The following PBX3 variants were observed in gnomAD, a reference collection of about 807,000 sequenced individuals.
PBX3 encodes PBX homeobox 3, also known as pre-B-cell leukemia transcription factor 3.
PBX3 carries 14 observed loss-of-function variants against 48.5 expected under a neutral mutation model. The observed-to-expected ratio is 0.29, with a 90% CI of 0.19 to 0.45. PBX3 has a LOEUF of 0.45. Among genes scored for constraint, PBX3 ranks in the 20% least tolerant of loss-of-function variants. PBX3 has a pLI of 1.00. For missense variants in PBX3, 386 were observed against 546.7 expected (o/e 0.71, Z 2.93); for synonymous variants, 210 against 200.3 (o/e 1.05, Z -0.41).
chr9:125,766,578 T>G (rs1836805636), intron 2 of PBX3, among the ~76,000 whole-genome samples: 1 of 151,996 alleles, frequency 6.6e-6, no homozygotes, highest in Non-Finnish European at 1.5e-5. Flanking sequence ...CTCTATAGAG[T>G]TGGGAAGGAC....
At position 125,936,747 on chromosome 9, in the gene PBX3, T is replaced by C. The variant is rs114394277; in HGVS notation, c.843+1140T>C. On this transcript the variant is annotated intron_variant, in intron 5 of 8. Coordinates refer to ENST00000373489, the MANE Select transcript of PBX3 (RefSeq NM_006195.6). ...ATTCAAGGTTTATTGTCATTTCTCT[T>C]ATGAAATGGTATATCTTGATTTCTT... 8.7e-3 allele frequency among the ~76,000 whole-genome samples: 1,333 copies of C among 152,362 alleles called. 20 individuals are homozygous for C. Among genetic ancestry groups the C allele is most frequent in the African/African-American group, 0.031 (1,284 of 41,582 alleles).
chr9:125,821,188 CA>C (rs1407021780), intron 2 of PBX3, among the ~76,000 whole-genome samples: 3 of 151,918 alleles, frequency 2.0e-5, no homozygotes, highest in Non-Finnish European at 4.4e-5. Flanking sequence ...TTTATAGTAC[CA>C]GTATATATTA....
intron 2 of PBX3, among the ~76,000 whole-genome samples, chr9:125,790,040 A>G (rs545882869): frequency 2.0e-5 from 3 of 152,330 alleles, no homozygotes; most frequent in Non-Finnish European, 2.9e-5. Flanking sequence ...TGCTCATCAA[A>G]TGGACAAGTT....
intron 2 of PBX3, among the ~76,000 whole-genome samples, chr9:125,856,436 T>G (rs1224590828): frequency 3.3e-5 from 5 of 152,092 alleles, no homozygotes. Context: ...AATTAATAAT[T>G]TGCATAATTA....
At chr9:125,961,556 C>T (rs1842431367) in intron 6 of PBX3, among the ~76,000 whole-genome samples, 2 of 152,176 alleles carry the variant, frequency 1.3e-5, no homozygotes, top group African/African-American at 4.8e-5. Flanking sequence ...GAGAAGGTCT[C>T]TTAGCTATAT....
chr9:125,928,285 G>A (rs1013743970), intron 3 of PBX3, among the ~76,000 whole-genome samples: 1 of 151,948 alleles, frequency 6.6e-6, no homozygotes, highest in Non-Finnish European at 1.5e-5. Flanking sequence ...AAGCTGAGAT[G>A]GGAGGATTGC....
chr9:125,942,979 T>G (rs1169160504), intron 5 of PBX3, among the ~76,000 whole-genome samples: 2 of 152,204 alleles, frequency 1.3e-5, no homozygotes, highest in African/African-American at 4.8e-5. Context: ...TAAAGCTTGC[T>G]CCAGTGATGT....
At chr9:125,938,965 G>T (rs570120980) in intron 5 of PBX3, among the ~76,000 whole-genome samples, 1 of 151,340 alleles carries the variant, frequency 6.6e-6, no homozygotes, top group Non-Finnish European at 1.5e-5. Flanking sequence ...AAAAAAAAAT[G>T]TGTGTTTGCA....
intron 2 of PBX3, chr9:125,797,541 T>C (rs1408506696): frequency 6.6e-6 from 1 of 152,136 alleles, no homozygotes; most frequent in African/African-American, 2.4e-5. Flanking sequence ...TCTTTTCATA[T>C]AAGATAAATT....
intron 2 of PBX3, among the ~76,000 whole-genome samples, chr9:125,895,360 G>A (rs963168518): frequency 6.6e-6 from 1 of 152,094 alleles, no homozygotes. Context: ...GAATTCAGAT[G>A]TGTAAGTAGC....
At chr9:125,962,272 C>G in intron 7 of PBX3, 58 bp downstream of exon 7, 1 of 969,890 alleles carries the variant, frequency 1.0e-6, no homozygotes, top group Non-Finnish European at 1.6e-6. Flanking sequence ...GCTCAAAACT[C>G]CTTCCTCTGA....
At chr9:125,924,855 G>T (rs1358996047) in intron 3 of PBX3, among the ~76,000 whole-genome samples, 1 of 152,066 alleles carries the variant, frequency 6.6e-6, no homozygotes, top group Non-Finnish European at 1.5e-5. Flanking sequence ...GTTTTCCTTG[G>T]CATGGAAGGC....
At chr9:125,889,895 G>T (rs902932364) in intron 2 of PBX3, among the ~76,000 whole-genome samples, 1 of 148,884 alleles carries the variant, frequency 6.7e-6, no homozygotes, top group Non-Finnish European at 1.5e-5. Context: ...GCTGCCCGGC[G>T]CGCCCCGAAA....
intron 2 of PBX3, among the ~76,000 whole-genome samples, chr9:125,874,194 A>G (rs1840193707): frequency 6.6e-6 from 1 of 152,106 alleles, no homozygotes; most frequent in South Asian, 2.1e-4. Flanking sequence ...GAATAAAACC[A>G]GTAGTTTAAA....
At chr9:125,814,900 T>C (rs1187010396) in intron 2 of PBX3, among the ~76,000 whole-genome samples, 1 of 152,214 alleles carries the variant, frequency 6.6e-6, no homozygotes, top group Non-Finnish European at 1.5e-5. Flanking sequence ...GAATAGGAAT[T>C]TGAGGTTGAA....
At chr9:125,850,141 C>T (rs1043420455) in intron 2 of PBX3, among the ~76,000 whole-genome samples, 1 of 151,926 alleles carries the variant, frequency 6.6e-6, no homozygotes, top group African/African-American at 2.4e-5. Flanking sequence ...CAGGAGGCAA[C>T]CTAGTAGATT....
intron 2 of PBX3, among the ~76,000 whole-genome samples, chr9:125,898,770 TG>T (rs1264576088): frequency 3.3e-5 from 5 of 151,896 alleles, no homozygotes; most frequent in Admixed American, 3.3e-4. Context: ...TACATTCTTT[TG>T]GATATTCATG....
intron 2 of PBX3, among the ~76,000 whole-genome samples, chr9:125,756,316 A>G (rs1365838886): frequency 2.0e-5 from 3 of 152,262 alleles, no homozygotes; most frequent in African/African-American, 2.4e-5. Context: ...ATTTTTCTCT[A>G]TAAAGCTATT....
chr9:125,963,128 G>C, intron 8 of PBX3, 27 bp downstream of exon 8: 1 of 1,260,896 alleles, frequency 7.9e-7, no homozygotes, highest in Non-Finnish European at 1.1e-6. Flanking sequence ...GTCAGCTGTA[G>C]GAGAACAGTG....
Sources: allele counts gnomAD v4.1 joint callset (sites outside exome capture counted in the v4.1 genomes callset), GRCh38; gene constraint gnomAD v4.1.1; transcripts MANE v1.5; gene names NCBI Gene and HGNC (gene_info 2026-07-23, HGNC 2026-07-21).